Variants in FBXW11 observed in about 807,000 individuals in gnomAD.
FBXW11 encodes F-box/WD repeat-containing protein 11.
A neutral mutation model predicts 77.6 loss-of-function variants in FBXW11; 19 were observed. The observed-to-expected ratio is 0.24, with a 90% CI of 0.17 to 0.36. The LOEUF (loss-of-function observed/expected upper bound fraction) is 0.36, where lower values mean the gene tolerates loss of function less well. Ranked by LOEUF, FBXW11 falls within the 10% of genes least tolerant of loss-of-function variation. FBXW11 has a pLI of 1.00. For synonymous variants in FBXW11, 235 were observed against 249.4 expected (o/e 0.94, Z 0.54); for missense variants, 334 against 704.2 (o/e 0.47, Z 5.95).
At chr5:171,870,922 T>G (rs1157472033) in intron 10 of FBXW11, 64 bp from the exon 11 acceptor site, 1 of 1,133,040 alleles carries the variant, frequency 8.8e-7, no homozygotes, top group African/African-American at 1.5e-5. Flanking sequence ...ATCCGTAAGT[T>G]TTTTATATCT....
At chr5:171,899,410 C>T (rs1759965351) in intron 5 of FBXW11, among the ~76,000 whole-genome samples, 2 of 152,136 alleles carry the variant, frequency 1.3e-5, no homozygotes, top group South Asian at 2.1e-4. Flanking sequence ...AACTTCCTCC[C>T]GTAAGGAAAA....
chr5:171,918,468 T>G (rs953337964), intron 2 of FBXW11, among the ~76,000 whole-genome samples: 1 of 152,210 alleles, frequency 6.6e-6, no homozygotes, highest in Non-Finnish European at 1.5e-5. Context: ...CAAACTCTCA[T>G]GTGAAACCAT....
At chr5:171,980,794 G>C (rs1013246864) in intron 1 of FBXW11, among the ~76,000 whole-genome samples, 8 of 152,160 alleles carry the variant, frequency 5.3e-5, no homozygotes, top group Non-Finnish European at 8.8e-5. Flanking sequence ...TATACATCTT[G>C]TGACATAAGA....
At chr5:171,997,342 T>C (rs1766115052) in intron 1 of FBXW11, among the ~76,000 whole-genome samples, 1 of 152,220 alleles carries the variant, frequency 6.6e-6, no homozygotes, top group Non-Finnish European at 1.5e-5. Context: ...ATACCTACCC[T>C]ATCATCCATA....
intron 6 of FBXW11, among the ~76,000 whole-genome samples, chr5:171,894,013 A>ATT (rs1759569166): frequency 4.3e-5 from 1 of 23,410 alleles, no homozygotes; most frequent in Admixed American, 6.5e-4. Flanking sequence ...ACCAAAAAGA[A>ATT]TTTTCTCCAT....
intron 6 of FBXW11, among the ~76,000 whole-genome samples, chr5:171,893,662 G>A (rs1050623921): frequency 1.3e-5 from 2 of 152,078 alleles, no homozygotes; most frequent in Admixed American, 6.6e-5. Context: ...CAGATGTACT[G>A]GTAACAAGTC....
intron 2 of FBXW11, among the ~76,000 whole-genome samples, chr5:171,941,023 C>A (rs560953144): frequency 6.6e-6 from 1 of 152,010 alleles, no homozygotes. Flanking sequence ...TAGGTGTATA[C>A]TGATAGAATA....
chr5:171,946,575 A>T (rs951045105), intron 2 of FBXW11, among the ~76,000 whole-genome samples: 1 of 152,092 alleles, frequency 6.6e-6, no homozygotes, highest in Non-Finnish European at 1.5e-5. Context: ...TTAACATGCC[A>T]CAAACATTCC....
chr5:171,910,323 C>T (rs1187322293), intron 4 of FBXW11, among the ~76,000 whole-genome samples: 20 of 152,120 alleles, frequency 1.3e-4, no homozygotes, highest in Non-Finnish European at 2.9e-5. Context: ...GCCTTAGCCT[C>T]CCAAAGTGCT....
intron 2 of FBXW11, among the ~76,000 whole-genome samples, chr5:171,952,215 C>T (rs1343580156): frequency 6.6e-6 from 1 of 151,136 alleles, no homozygotes; most frequent in Non-Finnish European, 1.5e-5. Context: ...TCCTCCCTAC[C>T]GAACAGACAG....
rs755641821 is a variant in FBXW11, at chr5:172,006,450, G to A, written c.45+8C>T. ...GGAAGCACAGACGGTCCAGCGGGCC[G>A]CACTCACCATGAGCTCGATGGTCTT... On this transcript the variant is annotated splice_region_variant and intron_variant, in intron 1 of 13. Transcript: ENST00000517395. 6.4e-7 allele frequency: 1 copy of A among 1,550,540 alleles called. No individual in the cohort carries two copies. The highest frequency in any genetic ancestry group is 8.7e-7 in the Non-Finnish European group (1 of 1,149,436).
At chr5:171,914,307 T>G in intron 3 of FBXW11, 36 bp downstream of exon 3, 1 of 1,553,154 alleles carries the variant, frequency 6.4e-7, no homozygotes, top group Non-Finnish European at 8.8e-7. Context: ...CTACAGTAAG[T>G]CAGTTGCTAT....
intron 2 of FBXW11, among the ~76,000 whole-genome samples, chr5:171,951,855 G>T (rs1005916998): frequency 2.0e-5 from 3 of 152,066 alleles, no homozygotes; most frequent in African/African-American, 7.2e-5. Flanking sequence ...AGGCATTTTA[G>T]GTTTGCTTTT....
intron 2 of FBXW11, 65 bp from the exon 3 acceptor site, chr5:171,914,470 A>G: frequency 2.8e-6 from 4 of 1,409,346 alleles, no homozygotes; most frequent in Non-Finnish European, 3.8e-6. Flanking sequence ...TAACTACAAT[A>G]AATAATTTTG....
chr5:171,996,956 G>C, intron 1 of FBXW11: 1 of 1,289,748 alleles, frequency 7.8e-7, no homozygotes, highest in South Asian at 1.2e-5. Flanking sequence ...TTTCAGACTA[G>C]TCTGAGAAAA....
At chr5:171,905,537 CTTG>C (rs1483512422) in intron 4 of FBXW11, among the ~76,000 whole-genome samples, 3 of 151,394 alleles carry the variant, frequency 2.0e-5, no homozygotes, top group African/African-American at 7.3e-5. Flanking sequence ...CAATATTCTT[CTTG>C]TTACCTTCTG....
intron 1 of FBXW11, among the ~76,000 whole-genome samples, chr5:171,996,636 C>G (rs1304085446): frequency 6.6e-6 from 1 of 152,196 alleles, no homozygotes; most frequent in Non-Finnish European, 1.5e-5. Context: ...GCAGTCCAGC[C>G]TGGGCGACCT....
At chr5:171,972,526 A>T (rs1764594028) in intron 1 of FBXW11, among the ~76,000 whole-genome samples, 2 of 149,830 alleles carry the variant, frequency 1.3e-5, no homozygotes, top group Admixed American at 1.3e-4. Flanking sequence ...AAAAAAAAAA[A>T]AAGTTAAAAC....
intron 2 of FBXW11, among the ~76,000 whole-genome samples, chr5:171,937,701 G>A (rs1409615722): frequency 1.3e-5 from 2 of 151,784 alleles, no homozygotes; most frequent in East Asian, 1.9e-4. Flanking sequence ...GGTGGCACAC[G>A]CCTGTAGTCC....
Sources: gnomAD v4.1 joint callset for allele counts (sites outside exome capture counted in the v4.1 genomes callset) on GRCh38, gnomAD v4.1.1 for gene constraint, MANE v1.5 for transcripts, NCBI Gene and HGNC (gene_info 2026-07-23, HGNC 2026-07-21) for gene names.